The following TECPR2 variants were observed in gnomAD, a reference collection of about 807,000 sequenced individuals.
TECPR2 encodes the protein tectonin beta-propeller repeat-containing protein 2.
Under a neutral mutation model 138.1 loss-of-function variants are expected in TECPR2, and 65 were observed. The ratio of observed to expected loss-of-function variants is 0.47; its 90% CI spans 0.39 to 0.58. TECPR2 has a LOEUF of 0.58. Ranked by LOEUF, TECPR2 falls within the 20% of genes least tolerant of loss-of-function variation. The probability of loss-of-function intolerance (pLI) is 0.00; values close to 1 mark genes in which losing one functional copy is unlikely to be tolerated. For missense variants in TECPR2, 1,553 were observed against 1,824.5 expected (o/e 0.85, Z 2.71); for synonymous variants, 746 against 749.8 (o/e 0.99, Z 0.08).
intron 1 of TECPR2, among the ~76,000 whole-genome samples, chr14:102,367,763 A>T (rs564529538): frequency 1.3e-5 from 2 of 152,114 alleles, no homozygotes; most frequent in Non-Finnish European, 2.9e-5. Flanking sequence ...ATTGGGCATA[A>T]ACCTAGGAAT....
At chr14:102,466,524 A>G (rs965669532) in intron 17 of TECPR2, among the ~76,000 whole-genome samples, 4 of 152,190 alleles carry the variant, frequency 2.6e-5, no homozygotes, top group Non-Finnish European at 4.4e-5. Context: ...AGTGATTATG[A>G]AAAGCAAGCC....
At chr14:102,365,591 C>T (rs775259682) in intron 1 of TECPR2, among the ~76,000 whole-genome samples, 4 of 152,182 alleles carry the variant, frequency 2.6e-5, no homozygotes, top group Non-Finnish European at 5.9e-5. Context: ...ACCTTGAGAA[C>T]ATTAGGCTAA....
Position 102,443,586 on chromosome 14 carries a change from C to A in TECPR2, c.2753-61C>A. Reference sequence around the variant, plus strand: ...AGGAAAAATAAGCCAATAACCAAGTCAAAATGAGGTGTGGAGTTCTGACTG... The same window carrying A: ...AGGAAAAATAAGCCAATAACCAAGTAAAAATGAGGTGTGGAGTTCTGACTG... On this transcript the variant is annotated intron_variant, in intron 11 of 19. Coordinates refer to ENST00000359520, the MANE Select transcript of TECPR2 (RefSeq NM_014844.5). The surrounding 1 kb of genome is among the most constrained non-coding windows in gnomAD (Gnocchi z 4.9). The A allele has an allele frequency of 7.3e-7, 1 of 1,368,146 alleles. No individual in the cohort carries two copies. Among genetic ancestry groups the A allele is most frequent in the South Asian group, 2.2e-5 (1 of 44,982 alleles). The allele number at this position is 1,368,146 out of a possible 1,614,324, so 84.8% of individuals were successfully genotyped here.
In TECPR2 at chr14:102,452,460, C is replaced by T. The variant is rs770575240; in HGVS notation, c.3473C>T (p.Ser1158Leu). Residue 1158 changes from serine (S) to leucine (L), a missense_variant, in exon 16 of 20, where the codon TCG becomes TTG. Coordinates refer to ENST00000359520, the MANE Select transcript of TECPR2 (RefSeq NM_014844.5). Reference sequence around the variant, plus strand: ...AGCGTCAGCGCCCAGAGCGCACAGTCGCGGCCCTCCACGGTGCAGCTGCCT... The same window carrying T: ...AGCGTCAGCGCCCAGAGCGCACAGTTGCGGCCCTCCACGGTGCAGCTGCCT... The part of the protein sequence containing the change: ...LCSVSAQSAQ[S>L]RPSTVQLPPE... 63 of 1,613,790 alleles carry T rather than the reference C, an allele frequency of 3.9e-5. 3 individuals carry two copies. Among genetic ancestry groups the T allele is most frequent in the Admixed American group, 2.5e-4 (15 of 60,018 alleles).
At position 102,502,162 on chromosome 14, in the gene TECPR2, C is replaced by T. The variant is rs548585003; in HGVS notation, c.*3905C>T. 17 of 152,392 alleles carry T rather than the reference C, an allele frequency of 1.1e-4. No individual in the cohort carries two copies. The highest frequency in any genetic ancestry group is 3.4e-4 in the African/African-American group (14 of 41,582). 9.4% of individuals were successfully genotyped at this position (152,392 alleles called of 1,614,324 possible). ...AGCGGAGGCGCAGGACCTCACCGCG[C>T]CAGCGTGAAGTTCCCGGGCATGGTC... On this transcript the variant is annotated 3_prime_UTR_variant, in exon 20 of 20. Coordinates refer to ENST00000359520, the MANE Select transcript of TECPR2 (RefSeq NM_014844.5).
At chr14:102,391,205 G>C (rs1888162187) in intron 2 of TECPR2, among the ~76,000 whole-genome samples, 1 of 152,110 alleles carries the variant, frequency 6.6e-6, no homozygotes, top group African/African-American at 2.4e-5. Flanking sequence ...TTACAGGTGT[G>C]CACCACCACG....
intron 1 of TECPR2, among the ~76,000 whole-genome samples, chr14:102,365,302 A>G (rs1042171695): frequency 2.6e-5 from 4 of 152,246 alleles, no homozygotes; most frequent in Non-Finnish European, 5.9e-5. Context: ...AACTGCCATC[A>G]TGGAGTTCTG....
In TECPR2 at chr14:102,431,937, G is replaced by A. The variant is rs1889504408; in HGVS notation, c.1226G>A (p.Arg409Lys). ...ASSVASEPRS[R>K]SSSLNSTDSG... Reference sequence around the variant, plus strand: ...TCCGTGGCCAGCGAGCCAAGGAGCAGGAGCAGCTCGCTCAACTCCACCGAC... The same window carrying A: ...TCCGTGGCCAGCGAGCCAAGGAGCAAGAGCAGCTCGCTCAACTCCACCGAC... Residue 409 changes from arginine to lysine, a missense_variant, in exon 8 of 20, where the codon AGG becomes AAG. Physicochemically the swap from Arg to Lys is conservative, Grantham distance 26 (BLOSUM62 2). Transcript: ENST00000359520. 6.2e-7 allele frequency: 1 copy of A among 1,612,638 alleles called. No homozygotes were observed. The highest frequency in any genetic ancestry group is 8.5e-7 in the Non-Finnish European group (1 of 1,179,194).
In TECPR2 at chr14:102,496,865, G is replaced by T. The variant is rs1032529579; in HGVS notation, c.3790-114G>T. 15 of 1,496,410 alleles carry T rather than the reference G, an allele frequency of 1.0e-5. No homozygotes were observed. In the South Asian group the frequency reaches 1.4e-4, roughly 14 times the overall value. 92.7% of individuals were successfully genotyped at this position (1,496,410 alleles called of 1,614,324 possible). A position where few individuals can be genotyped will look rare whatever the true frequency, so the allele number is the denominator to read the frequency against. On this transcript the variant is annotated intron_variant, in intron 17 of 19. Transcript: ENST00000359520. The stretch of plus-strand genomic sequence containing the variant: ...ACGTGGCCTCTCTGCCTCCTGCGGG[G>T]CCCACACTGGCTGCTGCATGCTGCC...
At chr14:102,402,870 ATTAG>A (rs1299059269) in intron 2 of TECPR2, among the ~76,000 whole-genome samples, 2 of 152,198 alleles carry the variant, frequency 1.3e-5, no homozygotes, top group Admixed American at 1.3e-4. Flanking sequence ...TAGATCTATA[ATTAG>A]TAAGAGGATA....
At chr14:102,371,952 A>G (rs1887518469) in intron 1 of TECPR2, among the ~76,000 whole-genome samples, 1 of 152,172 alleles carries the variant, frequency 6.6e-6, no homozygotes, top group African/African-American at 2.4e-5. Context: ...TACATGGCAT[A>G]TCTCAGTATG....
chr14:102,400,173 G>A (rs1298993239), intron 2 of TECPR2, among the ~76,000 whole-genome samples: 2 of 151,574 alleles, frequency 1.3e-5, no homozygotes, highest in African/African-American at 2.4e-5. Context: ...AGCCTCCCAA[G>A]TAGCTGGGAT....
chr14:102,468,008 T>A (rs1890583947), intron 17 of TECPR2, among the ~76,000 whole-genome samples: 1 of 151,402 alleles, frequency 6.6e-6, no homozygotes, highest in Admixed American at 6.6e-5. Flanking sequence ...GGCTATTTTT[T>A]TTTTTCCATA....
intron 1 of TECPR2, among the ~76,000 whole-genome samples, chr14:102,364,480 G>A (rs1433608031): frequency 6.6e-6 from 1 of 152,160 alleles, no homozygotes; most frequent in African/African-American, 2.4e-5. Flanking sequence ...TCATGGTCTG[G>A]CCCATGAACT....
At chr14:102,458,753 A>G (rs140397313) in intron 16 of TECPR2, among the ~76,000 whole-genome samples, 1 of 151,912 alleles carries the variant, frequency 6.6e-6, no homozygotes, top group Non-Finnish European at 1.5e-5. Flanking sequence ...GACTCAGTTG[A>G]GATCGCACCT....
intron 17 of TECPR2, among the ~76,000 whole-genome samples, chr14:102,490,142 A>G (rs1891123238): frequency 6.6e-6 from 1 of 152,172 alleles, no homozygotes; most frequent in African/African-American, 2.4e-5. Flanking sequence ...CCCACGCGGC[A>G]CCTTCCTTGG....
Position 102,407,359 on chromosome 14 carries a change from G to A in TECPR2, c.241G>A (p.Val81Met), listed in dbSNP as rs779649932. ...CCAGGGGAAGACGGAATCTATCACT[G>A]TGGTGAAGCTGCTGAGCTGCTTTGA... ...NFEGKTESITVVKLLSCFDDL... is the reference protein window; with the variant it reads ...NFEGKTESITMVKLLSCFDDL... Residue 81 changes from valine to methionine, a missense_variant, in exon 3 of 20, where the codon GTG (valine) becomes ATG (methionine). By Grantham distance (21) the Val-to-Met change is conservative (BLOSUM62 1). Coordinates refer to ENST00000359520, the MANE Select transcript of TECPR2 (RefSeq NM_014844.5). 2 of 1,611,470 alleles carry A rather than the reference G, an allele frequency of 1.2e-6. No homozygotes were observed. Among genetic ancestry groups the A allele is most frequent in the Non-Finnish European group, 8.5e-7 (1 of 1,179,096 alleles).
intron 17 of TECPR2, chr14:102,465,821 A>G (rs1890540350): frequency 5.2e-6 from 1 of 194,012 alleles, no homozygotes; most frequent in Non-Finnish European, 9.4e-6. Flanking sequence ...TCCAGCACTC[A>G]GCTCACAAGG....
intron 17 of TECPR2, among the ~76,000 whole-genome samples, chr14:102,491,278 C>T (rs1219384668): frequency 2.6e-5 from 4 of 152,310 alleles, no homozygotes; most frequent in South Asian, 4.1e-4. Flanking sequence ...TGCAATGGCA[C>T]GAATATGGCT....
Sources: allele counts gnomAD v4.1 joint callset (sites outside exome capture counted in the v4.1 genomes callset), GRCh38; gene constraint gnomAD v4.1.1; non-coding constraint Gnocchi (gnomAD v3.1); transcripts MANE v1.5; gene names NCBI Gene and HGNC (gene_info 2026-07-23, HGNC 2026-07-21).